The following UTRN variants were observed in gnomAD, a reference collection of about 807,000 sequenced individuals.
The protein encoded by UTRN is utrophin.
A neutral mutation model predicts 463.9 loss-of-function variants in UTRN; 283 were observed. The ratio of observed to expected loss-of-function variants is 0.61; its 90% CI spans 0.55 to 0.67. The LOEUF (loss-of-function observed/expected upper bound fraction) is 0.67. Ranked by LOEUF, UTRN falls within the 30% of genes least tolerant of loss-of-function variation. The probability of loss-of-function intolerance (pLI) is 0.00; values close to 1 mark genes in which losing one functional copy is unlikely to be tolerated. For synonymous variants in UTRN, 1,442 were observed against 1,431.5 expected (o/e 1.01, Z -0.17); for missense variants, 3,922 against 4,084.3 (o/e 0.96, Z 1.08).
intron 13 of UTRN, among the ~76,000 whole-genome samples, chr6:144,442,612 CAA>C (rs1248231755): frequency 6.8e-6 from 1 of 147,448 alleles, no homozygotes; most frequent in African/African-American, 2.7e-5. Context: ...TGGTGGCAGG[CAA>C]AGAGAGAGAG....
intron 53 of UTRN, among the ~76,000 whole-genome samples, chr6:144,715,693 T>TCCCCCCC (rs10660006): frequency 3.1e-5 from 4 of 131,022 alleles, no homozygotes; most frequent in East Asian, 3.1e-4. Flanking sequence ...CTCTCTCTCT[T>TCCCCCCC]CCCCCCCCAC....
intron 9 of UTRN, among the ~76,000 whole-genome samples, chr6:144,434,445 C>T (rs1786335448): frequency 6.6e-6 from 1 of 152,080 alleles, no homozygotes; most frequent in Admixed American, 6.6e-5. Flanking sequence ...GGCTGGCTCC[C>T]AGGTTTGTAG....
At chr6:144,767,952 A>T (rs1793545887) in intron 58 of UTRN, among the ~76,000 whole-genome samples, 1 of 152,184 alleles carries the variant, frequency 6.6e-6, no homozygotes, top group Admixed American at 6.5e-5. Context: ...TATTTGGGTA[A>T]GTGTTAGTTT....
intron 9 of UTRN, among the ~76,000 whole-genome samples, chr6:144,435,185 T>C (rs1786418105): frequency 6.6e-6 from 1 of 152,200 alleles, no homozygotes; most frequent in South Asian, 2.1e-4. Context: ...TTAAAAATCA[T>C]GCATGAGAGT....
chr6:144,651,796 C>A (rs972231708), intron 51 of UTRN, among the ~76,000 whole-genome samples: 7 of 152,008 alleles, frequency 4.6e-5, no homozygotes, highest in Non-Finnish European at 8.8e-5. Context: ...TTGTGTCTTG[C>A]CTTTTTATTT....
chr6:144,719,650 C>G (rs974541564), intron 53 of UTRN, among the ~76,000 whole-genome samples: 2 of 152,116 alleles, frequency 1.3e-5, no homozygotes, highest in African/African-American at 4.8e-5. Context: ...GAGGAAATAG[C>G]TTGGCATGTT....
chr6:144,568,529 C>T (rs1212870041), intron 50 of UTRN, among the ~76,000 whole-genome samples: 2 of 152,146 alleles, frequency 1.3e-5, no homozygotes, highest in Non-Finnish European at 2.9e-5. Flanking sequence ...ATGAAATCTA[C>T]ATTGAGAATC....
intron 66 of UTRN, among the ~76,000 whole-genome samples, 184 bp from the exon 67 acceptor site, chr6:144,827,164 C>T (rs559220902): frequency 4.6e-5 from 7 of 152,274 alleles, no homozygotes; most frequent in East Asian, 1.9e-4. Context: ...CTTGAATACA[C>T]GGCGACTTCT....
chr6:144,820,158 T>C (rs950570965), intron 65 of UTRN, among the ~76,000 whole-genome samples: 7 of 139,550 alleles, frequency 5.0e-5, no homozygotes, highest in African/African-American at 1.4e-4. Flanking sequence ...TGGGATAGGA[T>C]GATGGGGTGG....
chr6:144,694,596 A>G (rs564108642), intron 52 of UTRN, among the ~76,000 whole-genome samples: 2 of 152,070 alleles, frequency 1.3e-5, no homozygotes, highest in South Asian at 4.1e-4. Flanking sequence ...CAGGGATTCA[A>G]TCTTTTCTTG....
At position 144,557,243 on chromosome 6, in the gene UTRN, T is replaced by C. The variant is rs777337023; in HGVS notation, c.7221T>C (p.Ser2407=). The C allele has an allele frequency of 5.0e-6, 8 of 1,613,432 alleles. No individual in the cohort carries two copies. The African/African-American group carries it at 1.1e-4, about 22-fold the overall frequency. Residue 2407 remains serine (S), a synonymous_variant, in exon 50 of 75, where the codon AGT becomes AGC. Coordinates refer to ENST00000367545, the MANE Select transcript of UTRN (RefSeq NM_007124.3). ...VLQKLLEEYG[S]DDTRNVKETT... The stretch of plus-strand genomic sequence containing the variant: ...AGAAACTCCTGGAGGAATATGGGAG[T>C]GATGACACAAGGAATGTGAAAGAAA...
intron 51 of UTRN, among the ~76,000 whole-genome samples, chr6:144,648,578 T>C (rs191766722): frequency 1.3e-3 from 205 of 152,306 alleles, no homozygotes; most frequent in Middle Eastern, 3.4e-3. Context: ...GAAGTTAAGC[T>C]TGAATGATTT....
intron 2 of UTRN, among the ~76,000 whole-genome samples, chr6:144,381,732 T>C (rs1327682554): frequency 6.6e-6 from 1 of 152,202 alleles, no homozygotes; most frequent in Non-Finnish European, 1.5e-5. Context: ...TGTGACTTGC[T>C]CCTCCTTGCC....
intron 69 of UTRN, among the ~76,000 whole-genome samples, chr6:144,829,549 T>G (rs1275193652): frequency 6.6e-6 from 1 of 152,104 alleles, no homozygotes; most frequent in Non-Finnish European, 1.5e-5. Flanking sequence ...TTATTCTTTT[T>G]TTTGTGCCCT....
intron 63 of UTRN, among the ~76,000 whole-genome samples, chr6:144,795,906 C>T (rs1777171525): frequency 2.0e-5 from 3 of 152,006 alleles, no homozygotes; most frequent in South Asian, 4.1e-4. Flanking sequence ...TGCAGAAGCT[C>T]TTTAGTTTAA....
chr6:144,836,369 C>G lies in UTRN; in HGVS notation c.9893C>G (p.Pro3298Arg). 6.2e-7 allele frequency: 1 copy of G among 1,614,094 alleles called. No homozygotes were observed. Among genetic ancestry groups the G allele is most frequent in the South Asian group, 1.1e-5 (1 of 91,076 alleles). The change falls in exon 71 of 75, where the codon CCG becomes CGG. Residue 3298 changes from proline (P) to arginine (R), a missense_variant. By Grantham distance (103) the Pro-to-Arg change is moderately radical (BLOSUM62 -2). This residue lies in a region of UTRN where 1,309 missense variants were observed against 1,452.6 expected (regional missense o/e 0.90). Coordinates refer to ENST00000367545, the MANE Select transcript of UTRN (RefSeq NM_007124.3). ...HLRRGLPVGSPPESIISPHHT... is the reference protein window; with the variant it reads ...HLRRGLPVGSRPESIISPHHT... ...CGAAGGGGGCTCCCTGTCGGTTCACCGCCAGAGTCGATTATATCTCCCCAT... is the reference window on the plus strand; with the variant it reads ...CGAAGGGGGCTCCCTGTCGGTTCACGGCCAGAGTCGATTATATCTCCCCAT...
chr6:144,539,758 T>C (rs1395375615), intron 45 of UTRN, among the ~76,000 whole-genome samples: 1 of 152,110 alleles, frequency 6.6e-6, no homozygotes, highest in Non-Finnish European at 1.5e-5. Flanking sequence ...AATAGCATTC[T>C]GAGCCGGGTG....
intron 51 of UTRN, among the ~76,000 whole-genome samples, chr6:144,600,685 A>T (rs1209496489): frequency 6.6e-6 from 1 of 152,230 alleles, no homozygotes; most frequent in Non-Finnish European, 1.5e-5. Context: ...GCAAATGCTG[A>T]TGTTGAAGCT....
In UTRN at chr6:144,827,611, C is replaced by A; in HGVS notation, c.9534C>A (p.Asp3178Glu). 6.2e-7 allele frequency: 1 copy of A among 1,613,286 alleles called. No homozygotes were observed. Among genetic ancestry groups the A allele is most frequent in the Non-Finnish European group, 8.5e-7 (1 of 1,179,664 alleles). Residue 3178 changes from aspartate to glutamate, a missense_variant and splice_region_variant, in exon 68 of 75, where the codon GAC becomes GAA. Asp to Glu is a conservative substitution (Grantham distance 45). Coordinates refer to ENST00000367545, the MANE Select transcript of UTRN (RefSeq NM_007124.3). ...TLISMWPEHY[D>E]PSQSPQLFHD... ...ATTGCTTTGTTTTTTTCTTTTAAAG[C>A]CCCTCACAATCTCCTCAACTGTTTC... is the stretch of plus-strand genomic sequence containing the variant.
Sources: allele counts gnomAD v4.1 joint callset (sites outside exome capture counted in the v4.1 genomes callset), GRCh38; gene constraint gnomAD v4.1.1; regional missense constraint gnomAD v4.1.1; transcripts MANE v1.5; gene names NCBI Gene and HGNC (gene_info 2026-07-23, HGNC 2026-07-21).